VAMP2: variants seen among roughly 807,000 people sequenced by gnomAD.
VAMP2 encodes vesicle associated membrane protein 2.
For synonymous variants in VAMP2, 67 were observed against 57.3 expected (o/e 1.17, Z -0.76); for missense variants, 95 against 151.3 (o/e 0.63, Z 1.95).
chr17:8,162,198 A>T, intron 2 of VAMP2, 51 bp downstream of exon 2: 1 of 1,499,450 alleles, frequency 6.7e-7, no homozygotes, highest in Non-Finnish European at 8.9e-7. Context: ...CTACACCTAT[A>T]CGCCAACCCC....
chr17:8,160,725 GACACACACACGGACAC>G lies in VAMP2; in HGVS notation c.*114_*129del, dbSNP rs1983283590. 2 of 719,790 alleles carry G rather than the reference GACACACACACGGACAC, an allele frequency of 2.8e-6. No individual in the cohort carries two copies. The highest frequency in any genetic ancestry group is 1.8e-5 in the African/African-American group (1 of 56,658). The allele number at this position is 719,790 out of a possible 1,614,324, so 44.6% of individuals were successfully genotyped here. A position where few individuals can be genotyped will look rare whatever the true frequency, so the allele number is the denominator to read the frequency against. ...AATAACAGCTGGCTATTTACAGGGGGACACACACACGGACACACACACACACGGATCCAGGGGAGTG... is the reference window on the plus strand; with the variant it reads ...AATAACAGCTGGCTATTTACAGGGGGACACACACACGGATCCAGGGGAGTG... On this transcript the variant is annotated 3_prime_UTR_variant, in exon 5 of 5. Coordinates refer to ENST00000316509, the MANE Select transcript of VAMP2 (RefSeq NM_014232.3).
At chr17:8,162,582 C>G (rs1983350817) in intron 1 of VAMP2, 1 of 1,448,286 alleles carries the variant, frequency 6.9e-7, no homozygotes, top group African/African-American at 1.5e-5. Flanking sequence ...CCCCGCCTGT[C>G]AACTGAGGGC....
rs1311831829 is a variant in VAMP2, at chr17:8,160,307, A to C, written c.*548T>G. On this transcript the variant is annotated 3_prime_UTR_variant, in exon 5 of 5. Transcript: ENST00000316509. Reference sequence around the variant, plus strand: ...AAAGACCTTGGGATTCTTAGGACCAAGTGGGGCCAGTCTCAGAGCCTCCCA... The same window carrying C: ...AAAGACCTTGGGATTCTTAGGACCACGTGGGGCCAGTCTCAGAGCCTCCCA... 1.0e-4 allele frequency: 15 copies of C among 150,582 alleles called. 2 individuals carry two copies. The allele number at this position is 150,582 out of a possible 1,614,324, so 9.3% of individuals were successfully genotyped here.
chr17:8,162,482 G>A (rs1203289511), intron 1 of VAMP2, 113 bp from the exon 2 acceptor site: 1 of 1,550,306 alleles, frequency 6.5e-7, no homozygotes, highest in East Asian at 2.5e-5. Flanking sequence ...TTTTCGGGAG[G>A]AAGGCCACCC....
At chr17:8,162,802 C>T (rs998912649) in intron 1 of VAMP2, 76 bp downstream of exon 1, 4 of 1,217,250 alleles carry the variant, frequency 3.3e-6, no homozygotes, top group Non-Finnish European at 3.1e-6. Context: ...AGACCCCGGG[C>T]ACTCCCGACG....
rs1408261768 is a variant in VAMP2 at position 8,159,800 on chromosome 17, CA to C, written c.*1054del. On this transcript the variant is annotated 3_prime_UTR_variant, in exon 5 of 5. Coordinates refer to ENST00000316509, the MANE Select transcript of VAMP2 (RefSeq NM_014232.3). ...CCTCTCACAAGAGATCAATTGTGGC[CA>C]ACCCCCAACTCTCCTGGTGGGAGGA... 6.5e-6 allele frequency: 1 copy of C among 152,726 alleles called. No individual in the cohort carries two copies. The highest frequency in any genetic ancestry group is 1.5e-5 in the Non-Finnish European group (1 of 68,110). The allele number at this position is 152,726 out of a possible 1,614,324, so 9.5% of individuals were successfully genotyped here.
At chr17:8,162,575 C>T (rs1983350528) in intron 1 of VAMP2, 4 of 1,452,836 alleles carry the variant, frequency 2.8e-6, no homozygotes, top group Admixed American at 2.8e-5. Context: ...TCAGTTTCCC[C>T]GCCTGTCAAC....
In VAMP2 at chr17:8,161,457, T is replaced by C. The variant is rs1293936115; in HGVS notation, c.334+16A>G. The stretch of plus-strand genomic sequence containing the variant: ...CTCTCCAGGGAAAGGGCCCCGGCCA[T>C]TCTCACCCTACTCACCTATGATGAT... On this transcript the variant is annotated intron_variant, in intron 4 of 4. Coordinates refer to ENST00000316509, the MANE Select transcript of VAMP2 (RefSeq NM_014232.3). The C allele has an allele frequency of 1.9e-6, 3 of 1,614,030 alleles. No homozygotes were observed. The highest frequency in any genetic ancestry group is 2.5e-6 in the Non-Finnish European group (3 of 1,179,962).
At position 8,161,424 on chromosome 17, in the gene VAMP2, G is replaced by A. The variant is rs771564299; in HGVS notation, c.334+49C>T. On this transcript the variant is annotated intron_variant, in intron 4 of 4. Coordinates refer to ENST00000316509, the MANE Select transcript of VAMP2 (RefSeq NM_014232.3). ...TGACCTTCAAAACCTAGAATCCACT[G>A]GGGAAACCTCTCCAGGGAAAGGGCC... 21 of 1,609,572 alleles carry A rather than the reference G, an allele frequency of 1.3e-5. No individual in the cohort carries two copies. In the South Asian group the frequency reaches 1.3e-4, roughly 10 times the overall value.
intron 1 of VAMP2, 104 bp downstream of exon 1, chr17:8,162,774 G>T: frequency 2.4e-6 from 3 of 1,238,116 alleles, no homozygotes; most frequent in Non-Finnish European, 3.0e-6. Context: ...TGGCCCCGGG[G>T]CGCGGGGAAC....
Position 8,162,318 on chromosome 17 carries a change from A to G in VAMP2, c.54T>C (p.Gly18=). 2 of 1,600,748 alleles carry G rather than the reference A, an allele frequency of 1.2e-6. No individual in the cohort carries two copies. The highest frequency in any genetic ancestry group is 2.3e-5 in the East Asian group (1 of 43,948). ...APPAAPAGEG[G]PPAPPPNLTS... is the part of the protein sequence containing the mutation. ...TGAGGTTTGGAGGGGGTGCAGGGGG[A>G]CCACCCTCCCCAGCCGGGGCAGCAG... Residue 18 remains glycine (G), a synonymous_variant, in exon 2 of 5, where the codon GGT becomes GGC. Transcript: ENST00000316509.
rs1983317550 is a variant in VAMP2, at chr17:8,161,686, A to G, written c.204T>C (p.Asp68=). The change falls in exon 3 of 5, where the codon GAT becomes GAC. Residue 68 remains aspartate (D), a synonymous_variant. Transcript: ENST00000316509. ...ACTGGGAGGCCCCCGCCTGGAGTGC[A>G]TCTGCACGGTCGTCCAGCTCCGACA... is the stretch of plus-strand genomic sequence containing the variant. The part of the protein sequence containing the change: ...QKLSELDDRA[D]ALQAGASQFE... The G allele has an allele frequency of 6.2e-7, 1 of 1,614,074 alleles. No individual in the cohort carries two copies. Among genetic ancestry groups the G allele is most frequent in the African/African-American group, 1.3e-5 (1 of 74,916 alleles).
At position 8,160,812 on chromosome 17, in the gene VAMP2, G is replaced by T. The variant is rs766620501; in HGVS notation, c.*43C>A. 3 of 1,602,046 alleles carry T rather than the reference G, an allele frequency of 1.9e-6. No homozygotes were observed. The highest frequency in any genetic ancestry group is 1.7e-5 in the Admixed American group (1 of 59,360). The stretch of plus-strand genomic sequence containing the variant: ...AGAGGTGGAGGAACGGCTGAGGGTT[G>T]GGGGAGAGGCCCTTCTCTAGGCAGG... On this transcript the variant is annotated 3_prime_UTR_variant, in exon 5 of 5. Coordinates refer to ENST00000316509, the MANE Select transcript of VAMP2 (RefSeq NM_014232.3).
At chr17:8,162,156 A>ATC in intron 2 of VAMP2, 93 bp downstream of exon 2, 1 of 1,478,908 alleles carries the variant, frequency 6.8e-7, no homozygotes, top group Non-Finnish European at 8.9e-7. Context: ...CACAGGCGTG[A>ATC]ACTGTCATCA....
intron 1 of VAMP2, 169 bp downstream of exon 1, chr17:8,162,708 GC>G: frequency 7.6e-7 from 1 of 1,309,606 alleles, no homozygotes; most frequent in Non-Finnish European, 9.7e-7. Context: ...GCCCGAGCCG[GC>G]CAGCCCGGGA....
chr17:8,162,026 G>A (rs1324811419), intron 2 of VAMP2, among the ~76,000 whole-genome samples: 1 of 152,150 alleles, frequency 6.6e-6, no homozygotes, highest in Non-Finnish European at 1.5e-5. Context: ...CATCACCAGA[G>A]CACACCTGCC....
chr17:8,160,768 G>A lies in VAMP2; in HGVS notation c.*87C>T. 1 of 1,492,556 alleles carries A rather than the reference G, an allele frequency of 6.7e-7. No individual in the cohort carries two copies. The highest frequency in any genetic ancestry group is 9.1e-7 in the Non-Finnish European group (1 of 1,093,494). 92.5% of individuals were successfully genotyped at this position (1,492,556 alleles called of 1,614,324 possible). A position where few individuals can be genotyped will look rare whatever the true frequency, so the allele number is the denominator to read the frequency against. The stretch of plus-strand genomic sequence containing the variant: ...CACACACACGGATCCAGGGGAGTGG[G>A]GGCTGAAAGATATGGCTGAGAGGTG... On this transcript the variant is annotated 3_prime_UTR_variant, in exon 5 of 5. Coordinates refer to ENST00000316509, the MANE Select transcript of VAMP2 (RefSeq NM_014232.3).
Position 8,162,859 on chromosome 17 carries a change from T to C in VAMP2, c.2+19A>G. 8.2e-7 allele frequency: 1 copy of C among 1,213,340 alleles called. No homozygotes were observed. Among genetic ancestry groups the C allele is most frequent in the Non-Finnish European group, 1.0e-6 (1 of 976,034 alleles). The allele number at this position is 1,213,340 out of a possible 1,614,324, so 75.2% of individuals were successfully genotyped here. The stretch of plus-strand genomic sequence containing the variant: ...CCGGCGCAGGGAAGCGCGGTGAGGG[T>C]GGCGGGCGGCCGACTCACATGGCGG... On this transcript the variant is annotated intron_variant, in intron 1 of 4. Transcript: ENST00000316509.
chr17:8,160,809 G>A lies in VAMP2; in HGVS notation c.*46C>T. 1.2e-6 allele frequency: 2 copies of A among 1,601,340 alleles called. No homozygotes were observed. Among genetic ancestry groups the A allele is most frequent in the Non-Finnish European group, 8.5e-7 (1 of 1,172,112 alleles). ...CTGAGAGGTGGAGGAACGGCTGAGG[G>A]TTGGGGGAGAGGCCCTTCTCTAGGC... On this transcript the variant is annotated 3_prime_UTR_variant, in exon 5 of 5. Coordinates refer to ENST00000316509, the MANE Select transcript of VAMP2 (RefSeq NM_014232.3).
Sources: allele counts gnomAD v4.1 joint callset (sites outside exome capture counted in the v4.1 genomes callset), GRCh38; gene constraint gnomAD v4.1.1; transcripts MANE v1.5; gene names NCBI Gene and HGNC (gene_info 2026-07-23, HGNC 2026-07-21).